The following LRRN2 variants were observed in gnomAD, a reference collection of about 807,000 sequenced individuals.
The protein encoded by LRRN2 is leucine rich repeat neuronal 2.
LRRN2 carries 10 observed loss-of-function variants against 35.7 expected under a neutral mutation model. The observed-to-expected ratio is 0.28, with a 90% CI of 0.17 to 0.47. The LOEUF (loss-of-function observed/expected upper bound fraction) is 0.47. Among genes scored for constraint, LRRN2 ranks in the 20% least tolerant of loss-of-function variants. The pLI, the probability that LRRN2 is intolerant of heterozygous loss-of-function variation, is 0.99. For synonymous variants in LRRN2, 391 were observed against 409.6 expected, an observed-to-expected ratio of 0.95 and a Z score of 0.55; for missense variants, 731 against 940.3, an observed-to-expected ratio of 0.78 and a Z score of 2.91.
rs374611937 is a variant in LRRN2 at position 204,618,263 on chromosome 1, C to T, written c.1730G>A (p.Arg577Gln). The T allele has an allele frequency of 3.0e-5, 49 of 1,609,836 alleles. No individual in the cohort carries two copies. The highest frequency in any genetic ancestry group is 1.7e-4 in the African/African-American group (13 of 74,924). Residue 577 changes from arginine to glutamine, a missense_variant, in exon 2 of 2, where the codon CGG (arginine) becomes CAG (glutamine). Physicochemically the swap from Arg to Gln is conservative, Grantham distance 43 (BLOSUM62 1). Transcript: ENST00000367177. ...GGTAATGTTGTAGCTGTGGGTTCCC[C>T]GAGGCAGGCGGGCCAGAGCTGTGGC... is the stretch of plus-strand genomic sequence containing the variant. Reference protein sequence around the residue: ...QGATALARLPRGTHSYNITRL... With the variant: ...QGATALARLPQGTHSYNITRL...
chr1:204,657,763 G>A (rs143525173), intron 1 of LRRN2, among the ~76,000 whole-genome samples: 1 of 152,142 alleles, frequency 6.6e-6, no homozygotes, highest in African/African-American at 2.4e-5. Context: ...TTTTAAAAAG[G>A]CCCCATGATC....
At chr1:204,632,568 G>T (rs1296530581) in intron 1 of LRRN2, among the ~76,000 whole-genome samples, 2 of 149,070 alleles carry the variant, frequency 1.3e-5, no homozygotes, top group Non-Finnish European at 1.5e-5. Flanking sequence ...GGTGGAGGTT[G>T]CAGTGAGCTG....
rs571007985 is a variant in LRRN2 at position 204,682,525 on chromosome 1, G to A, written c.-227+2795C>T. ...TGGAGATCTATATGACCCGGAGCAA[G>A]TGGTTTCTCCTCTCCAGGCCTCAAT... is the stretch of plus-strand genomic sequence containing the variant. On this transcript the variant is annotated intron_variant, in intron 1 of 1. Transcript: ENST00000367177. Among the ~76,000 whole-genome samples the A allele has an allele frequency of 1.4e-4, 22 of 152,348 alleles. No individual in the cohort carries two copies. In the South Asian group the frequency reaches 4.6e-3, roughly 32 times the overall value.
At chr1:204,680,908 A>C (rs1668934152) in intron 1 of LRRN2, among the ~76,000 whole-genome samples, 1 of 151,082 alleles carries the variant, frequency 6.6e-6, no homozygotes, top group Admixed American at 6.6e-5. Flanking sequence ...TTCAAATATC[A>C]CATCATTTGG....
chr1:204,619,331 G>A lies in LRRN2; in HGVS notation c.662C>T (p.Ala221Val), dbSNP rs750911351. 1 of 1,614,202 alleles carries A rather than the reference G, an allele frequency of 6.2e-7. No homozygotes were observed. The highest frequency in any genetic ancestry group is 1.3e-5 in the African/African-American group (1 of 75,054). Reference protein sequence around the residue: ...PLANLRSLVLAGMNLREISDY... With the variant: ...PLANLRSLVLVGMNLREISDY... ...GGAGATCTCCCGCAGGTTCATGCCT[G>A]CTAGCACCAGGCTACGCAGGTTGGC... Residue 221 changes from alanine (A) to valine (V), a missense_variant, in exon 2 of 2, where the codon GCA becomes GTA. Transcript: ENST00000367177.
chr1:204,619,480 G>A lies in LRRN2; in HGVS notation c.513C>T (p.His171=). The change falls in exon 2 of 2, where the codon CAC becomes CAT. Residue 171 remains histidine, a synonymous_variant. Transcript: ENST00000367177. ...TGGCCCTCAGGAGGTTGGAGTTGAG[G>A]TGCAGCCGCAGCAAGTTGCTGAGGC... is the stretch of plus-strand genomic sequence containing the variant. ...FSGLSNLLRL[H]LNSNLLRAID... 6.2e-7 allele frequency: 1 copy of A among 1,614,228 alleles called. No homozygotes were observed. The highest frequency in any genetic ancestry group is 8.5e-7 in the Non-Finnish European group (1 of 1,180,040).
chr1:204,654,837 G>T (rs929872020), intron 1 of LRRN2, among the ~76,000 whole-genome samples: 2 of 152,192 alleles, frequency 1.3e-5, no homozygotes, highest in Non-Finnish European at 2.9e-5. Context: ...GGTTGAAATT[G>T]GCTGTGATGG....
At chr1:204,636,539 C>T (rs536165792) in intron 1 of LRRN2, among the ~76,000 whole-genome samples, 1 of 152,204 alleles carries the variant, frequency 6.6e-6, no homozygotes, top group East Asian at 1.9e-4. Flanking sequence ...AGTTTGAGAC[C>T]AGCCTGGGCA....
chr1:204,635,121 A>G (rs1454296830), intron 1 of LRRN2, among the ~76,000 whole-genome samples: 1 of 152,226 alleles, frequency 6.6e-6, no homozygotes, highest in Non-Finnish European at 1.5e-5. Context: ...CGATCAGATC[A>G]CAGGTGTGAG....
rs1328208083 is a variant in LRRN2 at position 204,620,065 on chromosome 1, G to A, written c.-73C>T. 3.9e-6 allele frequency: 6 copies of A among 1,524,518 alleles called. No individual in the cohort carries two copies. In the Admixed American group the frequency reaches 1.0e-4, roughly 26 times the overall value. 94.4% of individuals were successfully genotyped at this position (1,524,518 alleles called of 1,614,324 possible). A position where few individuals can be genotyped will look rare whatever the true frequency, so the allele number is the denominator to read the frequency against. ...CTGCTCTTTGTGTTTTGCAGGGTAA[G>A]GGTCAGCAACCCTGCCAGGGCCCAA... On this transcript the variant is annotated 5_prime_UTR_variant, in exon 2 of 2. Transcript: ENST00000367177.
intron 1 of LRRN2, among the ~76,000 whole-genome samples, chr1:204,623,059 G>A (rs1049432995): frequency 1.3e-5 from 2 of 152,090 alleles, no homozygotes; most frequent in Non-Finnish European, 2.9e-5. Flanking sequence ...CCTAGGGCTC[G>A]ATAAGTTAGC....
intron 1 of LRRN2, among the ~76,000 whole-genome samples, chr1:204,642,530 C>CAAAGGAGGG (rs1668004239): frequency 6.6e-6 from 1 of 151,626 alleles, no homozygotes; most frequent in Admixed American, 6.6e-5. Flanking sequence ...GCAGGGTAGG[C>CAAAGGAGGG]AAAAAGGTGC....
chr1:204,635,798 G>A (rs1411695660), intron 1 of LRRN2, among the ~76,000 whole-genome samples: 3 of 152,194 alleles, frequency 2.0e-5, no homozygotes, highest in Non-Finnish European at 4.4e-5. Flanking sequence ...CAGAATTTTG[G>A]AAGGAGCTGC....
intron 1 of LRRN2, among the ~76,000 whole-genome samples, chr1:204,635,396 C>G (rs551007572): frequency 5.3e-5 from 8 of 152,200 alleles, no homozygotes; most frequent in Non-Finnish European, 1.0e-4. Context: ...TCTCCGCAGC[C>G]CAGTACAATT....
intron 1 of LRRN2, among the ~76,000 whole-genome samples, chr1:204,639,583 G>T (rs1323171075): frequency 6.6e-6 from 1 of 152,222 alleles, no homozygotes; most frequent in East Asian, 1.9e-4. Context: ...AGGCTATAGT[G>T]AGCTAAGAAT....
rs527266114 is a variant in LRRN2, at chr1:204,685,610, T to A, written c.-517A>T. 1.3e-5 allele frequency: 2 copies of A among 151,816 alleles called. No individual in the cohort carries two copies. The highest frequency in any genetic ancestry group is 2.9e-5 in the Non-Finnish European group (2 of 67,922). The allele number at this position is 151,816 out of a possible 1,614,324, so 9.4% of individuals were successfully genotyped here. On this transcript the variant is annotated 5_prime_UTR_variant, in exon 1 of 2. Coordinates refer to ENST00000367177, the MANE Select transcript of LRRN2 (RefSeq NM_201630.2). The stretch of plus-strand genomic sequence containing the variant: ...TGGCGGGCGAGAGCCAGGCGCTCCT[T>A]GAGAGCGCCGCGCGTTCGCAGGTGC...
intron 1 of LRRN2, among the ~76,000 whole-genome samples, chr1:204,643,389 C>T (rs983368778): frequency 2.0e-5 from 3 of 152,150 alleles, no homozygotes; most frequent in Non-Finnish European, 4.4e-5. Context: ...TAGCTTTTAT[C>T]AACTTTTGAG....
chr1:204,629,111 C>A (rs1308521134), intron 1 of LRRN2: 2 of 152,388 alleles, frequency 1.3e-5, no homozygotes, highest in Non-Finnish European at 2.9e-5. Flanking sequence ...CCCTTTAGCC[C>A]CAGTGGATCC....
At chr1:204,640,258 C>A (rs1053770410) in intron 1 of LRRN2, among the ~76,000 whole-genome samples, 1 of 152,114 alleles carries the variant, frequency 6.6e-6, no homozygotes, top group African/African-American at 2.4e-5. Context: ...AGAGGGAGCT[C>A]TCTGGGGTCT....
Sources: allele counts gnomAD v4.1 joint callset (sites outside exome capture counted in the v4.1 genomes callset), GRCh38; gene constraint gnomAD v4.1.1; transcripts MANE v1.5; gene names NCBI Gene and HGNC (gene_info 2026-07-23, HGNC 2026-07-21).